The following CNTNAP2 variants were observed in gnomAD, a reference collection of about 807,000 sequenced individuals.
CNTNAP2 encodes the protein contactin associated protein 2.
In CNTNAP2, 98 loss-of-function variants were observed where a neutral mutation model predicts 155.2. The observed-to-expected ratio is 0.63, with a 90% CI of 0.54 to 0.75. The LOEUF is 0.75. CNTNAP2 is among the 30% of genes least tolerant of loss of function. The probability of loss-of-function intolerance (pLI) is 0.00; values close to 1 mark genes in which losing one functional copy is unlikely to be tolerated. For synonymous variants in CNTNAP2, 651 were observed against 631.2 expected, an observed-to-expected ratio of 1.03 and a Z score of -0.47; for missense variants, 1,727 against 1,688.1, an observed-to-expected ratio of 1.02 and a Z score of -0.40.
chr7:148,359,427 C>T (rs1798578701), intron 21 of CNTNAP2, among the ~76,000 whole-genome samples: 1 of 152,138 alleles, frequency 6.6e-6, no homozygotes. Context: ...ATTGTTTTGC[C>T]TTTTTGTAGG....
chr7:146,652,416 G>A lies in CNTNAP2; in HGVS notation c.98-121855G>A, dbSNP rs1799931043. On this transcript the variant is annotated intron_variant, in intron 1 of 23. Coordinates refer to ENST00000361727, the MANE Select transcript of CNTNAP2 (RefSeq NM_014141.6). The stretch of plus-strand genomic sequence containing the variant: ...TGCGATGTGGGCACATTACCAAACT[G>A]CTTTCAGAATTGCTTAATGTGTAAA... 2.6e-5 allele frequency among the ~76,000 whole-genome samples: 4 copies of A among 152,238 alleles called. 1 individual carries two copies. The South Asian group carries it at 8.3e-4, about 32-fold the overall frequency.
At chr7:146,959,181 G>A (rs1436304399) in intron 3 of CNTNAP2, among the ~76,000 whole-genome samples, 2 of 151,846 alleles carry the variant, frequency 1.3e-5, no homozygotes, top group East Asian at 3.9e-4. Flanking sequence ...CACCACGCCT[G>A]GCTAATTTTT....
In CNTNAP2 at chr7:146,351,954, C is replaced by T. The variant is rs553127750; in HGVS notation, c.97+234981C>T. On this transcript the variant is annotated intron_variant, in intron 1 of 23. Coordinates refer to ENST00000361727, the MANE Select transcript of CNTNAP2 (RefSeq NM_014141.6). ...AACGTATTTGGAGGAGTTAAAAGAC[C>T]TTGCTAAATATTGGTCTGTGTTAGG... 2.6e-5 allele frequency among the ~76,000 whole-genome samples: 4 copies of T among 152,092 alleles called. No homozygotes were observed. In the East Asian group the frequency reaches 7.7e-4, roughly 29 times the overall value.
intron 10 of CNTNAP2, among the ~76,000 whole-genome samples, chr7:147,464,976 CA>C (rs1293526661): frequency 6.6e-6 from 1 of 152,082 alleles, no homozygotes; most frequent in Non-Finnish European, 1.5e-5. Context: ...ACTATGCAGC[CA>C]TAAAAAGAGT....
intron 3 of CNTNAP2, among the ~76,000 whole-genome samples, chr7:146,938,037 A>G (rs886151871): frequency 6.6e-6 from 1 of 152,208 alleles, no homozygotes; most frequent in Non-Finnish European, 1.5e-5. Flanking sequence ...AACAGTCATG[A>G]GGTCGTTTGA....
At chr7:147,497,704 G>A (rs892093900) in intron 11 of CNTNAP2, among the ~76,000 whole-genome samples, 5 of 152,116 alleles carry the variant, frequency 3.3e-5, no homozygotes, top group African/African-American at 7.2e-5. Context: ...AGCATTTGAT[G>A]GAAACATATC....
chr7:147,421,959 C>T lies in CNTNAP2; in HGVS notation c.1670+26179C>T, dbSNP rs540077629. 7.5e-3 allele frequency among the ~76,000 whole-genome samples: 1,139 copies of T among 151,876 alleles called. 5 individuals are homozygous for T. The highest frequency in any genetic ancestry group is 0.011 in the Non-Finnish European group (775 of 67,962). On this transcript the variant is annotated intron_variant, in intron 10 of 23. Coordinates refer to ENST00000361727, the MANE Select transcript of CNTNAP2 (RefSeq NM_014141.6). ...ACCTCCCCAGAAGTTGAGCAGATGC[C>T]GTCAACATGTTTCTTGTACAGCCTA...
At chr7:146,980,746 C>A (rs78250387) in intron 3 of CNTNAP2, among the ~76,000 whole-genome samples, 5,944 of 152,238 alleles carry the variant, frequency 0.039, 134 homozygotes, top group South Asian at 0.08. Flanking sequence ...CTAAACTATT[C>A]ATGATCCCTT....
At chr7:146,392,199 T>G (rs762913460) in intron 1 of CNTNAP2, among the ~76,000 whole-genome samples, 1 of 152,144 alleles carries the variant, frequency 6.6e-6, no homozygotes, top group Non-Finnish European at 1.5e-5. Context: ...TAAATGTCAT[T>G]AATAATAATT....
chr7:146,946,072 C>CCCTTCCTTCCTTCCTTCCTT (rs10625736), intron 3 of CNTNAP2, among the ~76,000 whole-genome samples: 33 of 149,842 alleles, frequency 2.2e-4, no homozygotes, highest in African/African-American at 7.9e-4. Context: ...TTCCTTCCTT[C>CCCTTCCTTCCTTCCTTCCTT]CCTTCCTTCC....
intron 18 of CNTNAP2, among the ~76,000 whole-genome samples, chr7:148,205,573 T>C (rs534959363): frequency 8.3e-4 from 126 of 152,344 alleles, no homozygotes; most frequent in African/African-American, 2.7e-3. Context: ...CTTTTGGATA[T>C]ATTATTCTAA....
intron 21 of CNTNAP2, among the ~76,000 whole-genome samples, chr7:148,380,721 G>A (rs532108706): frequency 6.6e-5 from 10 of 152,084 alleles, no homozygotes; most frequent in South Asian, 6.2e-4. Context: ...GTCACTTGGC[G>A]GGTAATCCTA....
At chr7:147,580,527 A>G (rs1402810811) in intron 12 of CNTNAP2, among the ~76,000 whole-genome samples, 1 of 151,244 alleles carries the variant, frequency 6.6e-6, no homozygotes, top group African/African-American at 2.4e-5. Flanking sequence ...AACCCCAATC[A>G]TGACAGTTCG....
intron 1 of CNTNAP2, among the ~76,000 whole-genome samples, chr7:146,393,222 T>C (rs1036447588): frequency 6.6e-6 from 1 of 152,176 alleles, no homozygotes; most frequent in Admixed American, 6.5e-5. Flanking sequence ...TCTACTGAAG[T>C]GTTTTTCCAG....
chr7:147,410,053 G>C (rs1797077338), intron 10 of CNTNAP2, among the ~76,000 whole-genome samples: 1 of 152,172 alleles, frequency 6.6e-6, no homozygotes, highest in Non-Finnish European at 1.5e-5. Context: ...CCATTACTGG[G>C]TATGTAACCA....
chr7:147,489,394 G>A (rs941834178), intron 11 of CNTNAP2, among the ~76,000 whole-genome samples: 4 of 151,054 alleles, frequency 2.6e-5, no homozygotes, highest in African/African-American at 9.9e-5. Context: ...AAGAACAAAA[G>A]AGGCAAGTTT....
chr7:146,196,961 TG>T (rs1324204598), intron 1 of CNTNAP2, among the ~76,000 whole-genome samples: 1 of 152,172 alleles, frequency 6.6e-6, no homozygotes, highest in Non-Finnish European at 1.5e-5. Context: ...ATTGAAACAC[TG>T]GGTAATATTT....
At chr7:147,372,529 G>A (rs1373254411) in intron 9 of CNTNAP2, among the ~76,000 whole-genome samples, 4 of 152,084 alleles carry the variant, frequency 2.6e-5, no homozygotes, top group Non-Finnish European at 5.9e-5. Flanking sequence ...CTTAACAGAA[G>A]TCAAGAGACA....
intron 21 of CNTNAP2, among the ~76,000 whole-genome samples, chr7:148,361,549 G>A (rs900699974): frequency 3.9e-5 from 6 of 151,998 alleles, no homozygotes; most frequent in Non-Finnish European, 8.8e-5. Flanking sequence ...GGTTTTTCTG[G>A]GCTTGTAGAA....
Sources: gnomAD v4.1 joint callset for allele counts (sites outside exome capture counted in the v4.1 genomes callset) on GRCh38, gnomAD v4.1.1 for gene constraint, MANE v1.5 for transcripts, NCBI Gene and HGNC (gene_info 2026-07-23, HGNC 2026-07-21) for gene names.